Variants in GPHN observed in about 807,000 individuals in gnomAD.
GPHN encodes the protein gephyrin.
In GPHN, 17 loss-of-function variants were observed where a neutral mutation model predicts 95.5. That is an observed-to-expected ratio of 0.18 (90% CI 0.12 to 0.27). GPHN has a LOEUF of 0.27. Ranked by LOEUF, GPHN falls within the 10% of genes least tolerant of loss-of-function variation. The probability of loss-of-function intolerance (pLI) is 1.00; values close to 1 mark genes in which losing one functional copy is unlikely to be tolerated. For synonymous variants in GPHN, 320 were observed against 322.5 expected (o/e 0.99, Z 0.08); for missense variants, 660 against 978.1 (o/e 0.67, Z 4.34).
intron 1 of GPHN, among the ~76,000 whole-genome samples, chr14:66,512,742 T>TA (rs1196741715): frequency 1.3e-5 from 2 of 151,710 alleles, no homozygotes; most frequent in Non-Finnish European, 3.0e-5. Flanking sequence ...TTCAAAGTAT[T>TA]AAAAAAACAA....
At chr14:67,344,768 G>A in the GPHN span, among the ~76,000 whole-genome samples, 1 of 151,854 alleles carries the variant, frequency 6.6e-6, no homozygotes. Flanking sequence ...TGTAGTCCAA[G>A]CTACTTGGGA....
At chr14:66,905,418 G>A (rs1042936313) in intron 5 of GPHN, among the ~76,000 whole-genome samples, 17 of 151,974 alleles carry the variant, frequency 1.1e-4, no homozygotes, top group African/African-American at 4.1e-4. Flanking sequence ...TTTCATTAGG[G>A]CCAGTTACTG....
chr14:67,189,829 T>A, the GPHN span: 1 of 136,112 alleles, frequency 7.3e-6, no homozygotes, highest in South Asian at 2.3e-4. Context: ...TTTTCTGGAT[T>A]TTTTTTAATT....
At chr14:66,918,744 A>G (rs1184923019) in intron 6 of GPHN, among the ~76,000 whole-genome samples, 1 of 152,094 alleles carries the variant, frequency 6.6e-6, no homozygotes, top group Non-Finnish European at 1.5e-5. Flanking sequence ...GTGAAATTCC[A>G]AGGACCTAGA....
intron 2 of GPHN, among the ~76,000 whole-genome samples, chr14:66,698,575 GGAAA>G (rs1307204874): frequency 2.0e-5 from 3 of 152,050 alleles, no homozygotes; most frequent in Middle Eastern, 3.2e-3. Context: ...TTTTATCTTT[GGAAA>G]GACAATGATA....
intron 4 of GPHN, among the ~76,000 whole-genome samples, chr14:66,842,187 C>G (rs537655876): frequency 1.3e-4 from 19 of 151,940 alleles, no homozygotes; most frequent in African/African-American, 4.6e-4. Flanking sequence ...GAATTAAAAT[C>G]CATCACAATT....
the GPHN span, among the ~76,000 whole-genome samples, chr14:67,723,180 C>CT: frequency 1.3e-5 from 2 of 152,146 alleles, no homozygotes; most frequent in Non-Finnish European, 2.9e-5. Context: ...TTTGGGATGG[C>CT]TTTTTTGCTG....
chr14:66,532,271 A>T (rs1248695337), intron 1 of GPHN, among the ~76,000 whole-genome samples: 1 of 152,164 alleles, frequency 6.6e-6, no homozygotes, highest in Non-Finnish European at 1.5e-5. Context: ...GAGCTGTGAT[A>T]TCTGGAGGCT....
At chr14:67,614,808 T>C in the GPHN span, 1 of 151,912 alleles carries the variant, frequency 6.6e-6, no homozygotes, top group African/African-American at 2.4e-5. Context: ...ACTGCCTAAT[T>C]ATTTTACTAT....
chr14:66,834,382 C>G (rs2061706581), intron 4 of GPHN, among the ~76,000 whole-genome samples: 1 of 152,088 alleles, frequency 6.6e-6, no homozygotes, highest in African/African-American at 2.4e-5. Flanking sequence ...ATAATTAGAG[C>G]AATAACTGAC....
intron 1 of GPHN, 114 bp downstream of exon 1, chr14:66,508,705 G>A: frequency 1.1e-6 from 1 of 918,234 alleles, no homozygotes; most frequent in Non-Finnish European, 1.8e-6. Context: ...GGCTGAAGAA[G>A]GGAACCGCGG....
chr14:67,202,044 G>A, the GPHN span, among the ~76,000 whole-genome samples: 3 of 152,288 alleles, frequency 2.0e-5, no homozygotes, highest in East Asian at 5.8e-4. Flanking sequence ...TCTTCCTCAG[G>A]GGAGACTTCC....
intron 2 of GPHN, among the ~76,000 whole-genome samples, chr14:66,692,314 G>A (rs1200473170): frequency 6.6e-6 from 1 of 152,166 alleles, no homozygotes; most frequent in Non-Finnish European, 1.5e-5. Context: ...TACATGGAAG[G>A]AGTGAGGAGT....
chr14:67,573,300 C>T, the GPHN span: 1 of 1,613,362 alleles, frequency 6.2e-7, no homozygotes, highest in Non-Finnish European at 8.5e-7. The surrounding 1 kb of genome is among the most constrained non-coding windows in gnomAD (Gnocchi z 4.8). Context: ...GTCGGGCTAC[C>T]TGCTGAAAAT....
chr14:67,351,802 T>G, the GPHN span, among the ~76,000 whole-genome samples: 2 of 151,660 alleles, frequency 1.3e-5, no homozygotes, highest in African/African-American at 4.9e-5. Flanking sequence ...ATTACAGGCA[T>G]GAGTCACCAC....
At chr14:66,533,110 TAATA>T (rs2059008010) in intron 1 of GPHN, among the ~76,000 whole-genome samples, 1 of 152,234 alleles carries the variant, frequency 6.6e-6, no homozygotes, top group African/African-American at 2.4e-5. Flanking sequence ...ATTTGTTAAT[TAATA>T]AATGTTTTTT....
chr14:67,615,252 T>G, the GPHN span: 3 of 152,830 alleles, frequency 2.0e-5, no homozygotes, highest in Admixed American at 2.0e-4. Flanking sequence ...GAATTTTATT[T>G]TTGAAAACAG....
the GPHN span, among the ~76,000 whole-genome samples, chr14:67,542,494 A>T: frequency 6.6e-6 from 1 of 152,138 alleles, no homozygotes. Context: ...TTCACCTCTA[A>T]GGCAAAAAAA....
the GPHN span, among the ~76,000 whole-genome samples, chr14:67,590,610 C>T: frequency 6.6e-6 from 1 of 152,172 alleles, no homozygotes. Flanking sequence ...CTGCCCACCT[C>T]GGCTTCCCAA....
Sources: allele counts gnomAD v4.1 joint callset (sites outside exome capture counted in the v4.1 genomes callset), GRCh38; gene constraint gnomAD v4.1.1; non-coding constraint Gnocchi (gnomAD v3.1); transcripts MANE v1.5; gene names NCBI Gene and HGNC (gene_info 2026-07-23, HGNC 2026-07-21).